The following EIF4G3 variants were observed in gnomAD, a reference collection of about 807,000 sequenced individuals.
EIF4G3 encodes the protein eIF-4-gamma 3.
Under a neutral mutation model 186.4 loss-of-function variants are expected in EIF4G3, and 34 were observed. The ratio of observed to expected loss-of-function variants is 0.18; its 90% CI spans 0.14 to 0.24. The LOEUF is 0.24. Among genes scored for constraint, EIF4G3 ranks in the 10% least tolerant of loss-of-function variants. The pLI is 1.00. For synonymous variants in EIF4G3, 673 were observed against 679.5 expected, an observed-to-expected ratio of 0.99 and a Z score of 0.15; for missense variants, 1,536 against 1,948.5, an observed-to-expected ratio of 0.79 and a Z score of 3.99.
chr1:20,936,677 T>TTA (rs1256995328), intron 14 of EIF4G3, among the ~76,000 whole-genome samples: 1 of 152,222 alleles, frequency 6.6e-6, no homozygotes, highest in African/African-American at 2.4e-5. Context: ...ATCTCTGGTT[T>TTA]TATGTTTGCT....
rs556106711 is a variant in EIF4G3 at position 20,901,347 on chromosome 1, T to C, written c.1753-1404A>G. ...TAGTCTAATTATAATAATCTTATAA[T>C]ACCATCTCATAATTAAGTACAGGTC... On this transcript the variant is annotated intron_variant, in intron 15 of 36. Transcript: ENST00000602326. Among the ~76,000 whole-genome samples the C allele has an allele frequency of 1.2e-4, 18 of 152,278 alleles. No individual in the cohort carries two copies. The South Asian group carries it at 3.7e-3, about 32-fold the overall frequency.
chr1:21,051,004 A>C lies in EIF4G3; in HGVS notation c.-195-10T>G, dbSNP rs749155886. Reference sequence around the variant, plus strand: ...TTGCCACTTGTGTTACCTGTGAGGAAATCAATATTTAGTAAGAACATTATA... The same window carrying C: ...TTGCCACTTGTGTTACCTGTGAGGACATCAATATTTAGTAAGAACATTATA... On this transcript the variant is annotated splice_polypyrimidine_tract_variant and intron_variant, in intron 3 of 36. Transcript: ENST00000602326. 2.8e-6 allele frequency: 2 copies of C among 717,282 alleles called. No homozygotes were observed. The highest frequency in any genetic ancestry group is 2.0e-5 in the Admixed American group (1 of 49,940). The allele number at this position is 717,282 out of a possible 1,614,324, so 44.4% of individuals were successfully genotyped here.
intron 18 of EIF4G3, among the ~76,000 whole-genome samples, chr1:20,891,187 T>G (rs1309158484): frequency 6.6e-6 from 1 of 152,222 alleles, no homozygotes; most frequent in African/African-American, 2.4e-5. Flanking sequence ...ACATTGCTTA[T>G]TCTAAACTCA....
intron 5 of EIF4G3, among the ~76,000 whole-genome samples, chr1:21,001,754 G>A (rs1406688556): frequency 1.3e-5 from 2 of 152,198 alleles, no homozygotes; most frequent in Non-Finnish European, 2.9e-5. Context: ...ATAGAAAAAG[G>A]ATAAGAAAGA....
intron 30 of EIF4G3, among the ~76,000 whole-genome samples, chr1:20,838,188 G>A (rs533815246): frequency 7.4e-4 from 112 of 152,276 alleles, no homozygotes; most frequent in African/African-American, 2.4e-3. Flanking sequence ...AAATGCAAAT[G>A]TCTGAGATAT....
At chr1:20,914,847 G>A (rs1301350922) in intron 14 of EIF4G3, among the ~76,000 whole-genome samples, 1 of 152,062 alleles carries the variant, frequency 6.6e-6, no homozygotes, top group Non-Finnish European at 1.5e-5. Flanking sequence ...ACCACAATAT[G>A]GTCTATCTTG....
At chr1:20,964,772 AAC>A (rs2074243429) in intron 12 of EIF4G3, among the ~76,000 whole-genome samples, 2 of 152,166 alleles carry the variant, frequency 1.3e-5, no homozygotes, top group African/African-American at 4.8e-5. Flanking sequence ...ACTGACCCAA[AAC>A]ACAACATATC....
At chr1:20,825,675 ACT>A (rs2063431242) in intron 32 of EIF4G3, among the ~76,000 whole-genome samples, 2 of 152,226 alleles carry the variant, frequency 1.3e-5, no homozygotes, top group South Asian at 4.1e-4. Flanking sequence ...TAAATTCCAC[ACT>A]GTGTCTTTTC....
intron 29 of EIF4G3, among the ~76,000 whole-genome samples, chr1:20,845,452 G>A (rs2070552030): frequency 6.6e-6 from 1 of 152,100 alleles, no homozygotes; most frequent in Non-Finnish European, 1.5e-5. Context: ...CACAAGGTCA[G>A]GAGATCAAGA....
intron 31 of EIF4G3, 135 bp downstream of exon 31, chr1:20,829,012 A>C (rs2064386704): frequency 7.8e-6 from 7 of 900,752 alleles, no homozygotes; most frequent in Non-Finnish European, 1.2e-5. Context: ...CTGAAATCAG[A>C]AGTCTTAAAG....
At chr1:20,848,094 G>A (rs1457805067) in intron 29 of EIF4G3, 3 of 316,928 alleles carry the variant, frequency 9.5e-6, no homozygotes, top group African/African-American at 6.8e-5. Flanking sequence ...AGCCTCCTGA[G>A]TAGCTGGGAC....
chr1:21,033,281 A>G (rs1004438545), intron 4 of EIF4G3, among the ~76,000 whole-genome samples: 11 of 152,200 alleles, frequency 7.2e-5, no homozygotes, highest in Admixed American at 7.2e-4. Flanking sequence ...TCTTTTAACA[A>G]TATTAGGAAA....
chr1:20,887,593 C>A (rs2154555095), intron 18 of EIF4G3, among the ~76,000 whole-genome samples: 1 of 151,340 alleles, frequency 6.6e-6, no homozygotes, highest in African/African-American at 2.4e-5. Context: ...CCAATCTTGT[C>A]AAATGCATCC....
chr1:21,087,145 C>T (rs2096011127), intron 3 of EIF4G3, among the ~76,000 whole-genome samples: 1 of 152,132 alleles, frequency 6.6e-6, no homozygotes, highest in East Asian at 1.9e-4. Context: ...TTCTTATCTC[C>T]CTCAGTAGAC....
chr1:21,083,709 A>G (rs1034531733), intron 3 of EIF4G3, among the ~76,000 whole-genome samples: 2 of 152,240 alleles, frequency 1.3e-5, no homozygotes, highest in African/African-American at 4.8e-5. Flanking sequence ...CTAAAAAAAT[A>G]CATTCAAAAG....
chr1:20,952,154 CTTTTTTT>C (rs71014131), intron 12 of EIF4G3, among the ~76,000 whole-genome samples: 1 of 114,530 alleles, frequency 8.7e-6, no homozygotes, highest in African/African-American at 3.2e-5. Flanking sequence ...TAATTCAACA[CTTTTTTT>C]TTTTTTTTTT....
At chr1:21,117,526 C>A (rs1471600084) in intron 2 of EIF4G3, among the ~76,000 whole-genome samples, 2 of 151,690 alleles carry the variant, frequency 1.3e-5, no homozygotes, top group East Asian at 3.9e-4. Flanking sequence ...TCTTTTGCAA[C>A]TATTTATTTT....
intron 2 of EIF4G3, among the ~76,000 whole-genome samples, chr1:21,106,562 A>G (rs1353098746): frequency 6.6e-6 from 1 of 152,198 alleles, no homozygotes; most frequent in African/African-American, 2.4e-5. Flanking sequence ...AAAGGAAATC[A>G]AAAGTTTTAT....
intron 15 of EIF4G3, among the ~76,000 whole-genome samples, chr1:20,901,413 A>G (rs1231088837): frequency 6.6e-6 from 1 of 152,144 alleles, no homozygotes; most frequent in Non-Finnish European, 1.5e-5. Flanking sequence ...CAGTATGTAA[A>G]TGGTATTTAA....
Sources: allele counts gnomAD v4.1 joint callset (sites outside exome capture counted in the v4.1 genomes callset), GRCh38; gene constraint gnomAD v4.1.1; transcripts MANE v1.5; gene names NCBI Gene and HGNC (gene_info 2026-07-23, HGNC 2026-07-21).